The following NME4 variants were observed in gnomAD, a reference collection of about 807,000 sequenced individuals.
NME4 encodes nucleoside diphosphate kinase D, mitochondrial.
Under a neutral mutation model 16.4 loss-of-function variants are expected in NME4, and 21 were observed. That is an observed-to-expected ratio of 1.28 (90% CI 0.91 to 1.84). The LOEUF (loss-of-function observed/expected upper bound fraction) is 1.84. Ranked by LOEUF, NME4 falls within the 40% of genes most tolerant of loss-of-function variation. NME4 has a pLI of 0.00. For synonymous variants in NME4, 132 were observed against 107.5 expected, an observed-to-expected ratio of 1.23 and a Z score of -1.41; for missense variants, 316 against 261.3, an observed-to-expected ratio of 1.21 and a Z score of -1.44.
rs1322419990 is a variant in NME4, at chr16:399,006, C to A, written c.108C>A (p.Thr36=). ...VRHGSGGPSW[T]RERTLVAVKP... is the part of the protein sequence containing the mutation. ...CTTTTGAAGGAGGGCCCTCCTGGAC[C>A]CGGGAGCGGACCCTGGTGGCGGTGA... Residue 36 remains threonine (T), a synonymous_variant, in exon 2 of 5, where the codon ACC becomes ACA. Transcript: ENST00000219479. The A allele has an allele frequency of 6.2e-6, 10 of 1,610,124 alleles. No homozygotes were observed. Among genetic ancestry groups the A allele is most frequent in the Non-Finnish European group, 7.6e-6 (9 of 1,179,884 alleles).
At position 400,528 on chromosome 16, in the gene NME4, C is replaced by T; in HGVS notation, c.*186C>T. 3 of 619,984 alleles carry T rather than the reference C, an allele frequency of 4.8e-6. No individual in the cohort carries two copies. Among genetic ancestry groups the T allele is most frequent in the Non-Finnish European group, 7.9e-6 (3 of 381,188 alleles). 38.4% of individuals were successfully genotyped at this position (619,984 alleles called of 1,614,324 possible). A position where few individuals can be genotyped will look rare whatever the true frequency, so the allele number is the denominator to read the frequency against. ...TGCCTTTCTGTACCCCAAGCCAGCA[C>T]AAGATTGGACCAATCCTTTTTGCAC... On this transcript the variant is annotated 3_prime_UTR_variant, in exon 5 of 5. Coordinates refer to ENST00000219479, the MANE Select transcript of NME4 (RefSeq NM_005009.3).
Position 400,244 on chromosome 16 carries a change from G to T in NME4, c.466G>T (p.Val156Leu), listed in dbSNP as rs139380705. The change falls in exon 5 of 5, where the codon GTG (valine) becomes TTG (leucine). Residue 156 changes from valine (V) to leucine (L), a missense_variant. Physicochemically the swap from Val to Leu is conservative, Grantham distance 32. Transcript: ENST00000219479. ...GAATGTCATCCACGCCAGCGACTCCGTGGAGGGGGCCCAGCGGGAGATCCA... is the reference window on the plus strand; with the variant it reads ...GAATGTCATCCACGCCAGCGACTCCTTGGAGGGGGCCCAGCGGGAGATCCA... ...SRNVIHASDS[V>L]EGAQREIQLW... 90 of 1,604,614 alleles carry T rather than the reference G, an allele frequency of 5.6e-5. No homozygotes were observed. The African/African-American group carries it at 1.0e-3, about 18-fold the overall frequency.
chr16:400,497 C>G lies in NME4; in HGVS notation c.*155C>G, dbSNP rs1766882949. The G allele has an allele frequency of 1.2e-6, 1 of 848,500 alleles. No homozygotes were observed. 52.6% of individuals were successfully genotyped at this position (848,500 alleles called of 1,614,324 possible). A position where few individuals can be genotyped will look rare whatever the true frequency, so the allele number is the denominator to read the frequency against. ...AGCCCAGAGGAGTTTGAGCCACCAACTTCAGTGCCTTTCTGTACCCCAAGC... is the reference window on the plus strand; with the variant it reads ...AGCCCAGAGGAGTTTGAGCCACCAAGTTCAGTGCCTTTCTGTACCCCAAGC... On this transcript the variant is annotated 3_prime_UTR_variant, in exon 5 of 5. Transcript: ENST00000219479.
chr16:397,805 C>A, intron 1 of NME4: 2 of 1,434,788 alleles, frequency 1.4e-6, no homozygotes, highest in Non-Finnish European at 1.8e-6. Flanking sequence ...ACTGGGACGT[C>A]AGGCCCCAAG....
chr16:398,386 G>T lies in NME4; in HGVS notation c.92-604G>T, dbSNP rs2054592953. 1.8e-5 allele frequency: 23 copies of T among 1,246,894 alleles called. No individual in the cohort carries two copies. In the South Asian group the frequency reaches 2.6e-4, roughly 14 times the overall value. 77.2% of individuals were successfully genotyped at this position (1,246,894 alleles called of 1,614,324 possible). ...TGTCCGTGTTTCCAGGGCTCACCTG[G>T]TGGGGAAAGTGTGTTTCTCCCTGGT... On this transcript the variant is annotated intron_variant, in intron 1 of 4. Transcript: ENST00000219479.
At chr16:399,303 G>A (rs1343619514) in intron 2 of NME4, 76 bp from the exon 3 acceptor site, 2 of 1,476,388 alleles carry the variant, frequency 1.4e-6, no homozygotes, top group African/African-American at 1.4e-5. Flanking sequence ...AGGTGCCTGA[G>A]GTCAGGGCAT....
intron 2 of NME4, 32 bp from the exon 3 acceptor site, chr16:399,347 C>T: frequency 3.7e-6 from 6 of 1,601,418 alleles, no homozygotes; most frequent in South Asian, 1.1e-5. Context: ...CGTTTACTGT[C>T]TGCGGCTCCT....
In NME4 at chr16:399,209, G is replaced by A. The variant is rs2054607810; in HGVS notation, c.225+86G>A. 4.5e-6 allele frequency: 7 copies of A among 1,563,252 alleles called. No homozygotes were observed. In the South Asian group the frequency reaches 6.7e-5, roughly 15 times the overall value. On this transcript the variant is annotated intron_variant, in intron 2 of 4. Transcript: ENST00000219479. Reference sequence around the variant, plus strand: ...GCCTTTCACATCCCAGCCAGCGCCGGGGCAGGGCCTGGCTTTGGCAGTTGA... The same window carrying A: ...GCCTTTCACATCCCAGCCAGCGCCGAGGCAGGGCCTGGCTTTGGCAGTTGA...
At chr16:397,926 G>C (rs778355213) in intron 1 of NME4, 1 of 1,549,674 alleles carries the variant, frequency 6.5e-7, no homozygotes, top group Non-Finnish European at 8.7e-7. Flanking sequence ...TGCAATGCCC[G>C]CACCAGCCGC....
intron 1 of NME4, chr16:398,114 T>C (rs2054586617): frequency 1.3e-6 from 2 of 1,534,650 alleles, no homozygotes; most frequent in Admixed American, 2.0e-5. Flanking sequence ...TCTGGGCTCC[T>C]CTGGAAACCA....
rs1286075437 is a variant in NME4, at chr16:400,613, C to CT, written c.*272dup. 1 of 416,734 alleles carries CT rather than the reference C, an allele frequency of 2.4e-6. No individual in the cohort carries two copies. Among genetic ancestry groups the CT allele is most frequent in the African/African-American group, 2.0e-5 (1 of 48,934 alleles). The allele number at this position is 416,734 out of a possible 1,614,324, so 25.8% of individuals were successfully genotyped here. Reference sequence around the variant, plus strand: ...TCTTCACATTATCATAACCTCTCCTCTAAAGGGGAGGCATTAAAATTCACT... The same window carrying CT: ...TCTTCACATTATCATAACCTCTCCTCTTAAAGGGGAGGCATTAAAATTCACT... On this transcript the variant is annotated 3_prime_UTR_variant, in exon 5 of 5. Transcript: ENST00000219479.
intron 1 of NME4, chr16:398,344 A>G: frequency 7.7e-7 from 1 of 1,293,108 alleles, no homozygotes; most frequent in Non-Finnish European, 1.0e-6. Flanking sequence ...TCCCTCTTCA[A>G]TCTTCAGGCC....
chr16:398,036 G>A (rs1396740989), intron 1 of NME4: 3 of 1,533,774 alleles, frequency 2.0e-6, no homozygotes, highest in Non-Finnish European at 2.6e-6. Flanking sequence ...CGCCTGCTGG[G>A]GTTAACTTTT....
chr16:399,937 C>T (rs1345323498), intron 4 of NME4, among the ~76,000 whole-genome samples, 198 bp downstream of exon 4: 4 of 152,136 alleles, frequency 2.6e-5, no homozygotes, highest in Admixed American at 6.5e-5. Context: ...TTGTGTGTAC[C>T]GTGCCATCGT....
At position 400,685 on chromosome 16, in the gene NME4, T is replaced by C; in HGVS notation, c.*343T>C. The stretch of plus-strand genomic sequence containing the variant: ...CACTAATTATGACTTCCCCCAGCTC[T>C]GAGGTAGAAATGACGCCTTTATGCA... On this transcript the variant is annotated 3_prime_UTR_variant, in exon 5 of 5. Coordinates refer to ENST00000219479, the MANE Select transcript of NME4 (RefSeq NM_005009.3). 4.0e-6 allele frequency: 1 copy of C among 249,952 alleles called. No individual in the cohort carries two copies. Among genetic ancestry groups the C allele is most frequent in the East Asian group, 7.4e-5 (1 of 13,604 alleles). 15.5% of individuals were successfully genotyped at this position (249,952 alleles called of 1,614,324 possible).
chr16:398,067 C>T, intron 1 of NME4: 1 of 1,529,448 alleles, frequency 6.5e-7, no homozygotes, highest in Non-Finnish European at 8.8e-7. Context: ...TGGCGGAGCC[C>T]CTTTGGCTCT....
chr16:400,241 T>C lies in NME4; in HGVS notation c.463T>C (p.Ser155Pro). The C allele has an allele frequency of 6.2e-7, 1 of 1,604,600 alleles. No homozygotes were observed. Among genetic ancestry groups the C allele is most frequent in the South Asian group, 1.1e-5 (1 of 90,820 alleles). ...ISRNVIHASDSVEGAQREIQL... is the reference protein window; with the variant it reads ...ISRNVIHASDPVEGAQREIQL... ...CAGGAATGTCATCCACGCCAGCGAC[T>C]CCGTGGAGGGGGCCCAGCGGGAGAT... The change falls in exon 5 of 5, where the codon TCC becomes CCC. Residue 155 changes from serine (S) to proline (P), a missense_variant. Coordinates refer to ENST00000219479, the MANE Select transcript of NME4 (RefSeq NM_005009.3).
chr16:397,853 A>C (rs1254403906), intron 1 of NME4: 2 of 1,545,994 alleles, frequency 1.3e-6, no homozygotes, highest in Admixed American at 1.9e-5. Flanking sequence ...CCCAGCTGCC[A>C]CCTCACAGGA....
chr16:397,940 A>G, intron 1 of NME4: 4 of 1,549,714 alleles, frequency 2.6e-6, no homozygotes, highest in Non-Finnish European at 3.5e-6. Flanking sequence ...CAGCCGCAGC[A>G]GAGCCCCAGG....
Sources: allele counts gnomAD v4.1 joint callset (sites outside exome capture counted in the v4.1 genomes callset), GRCh38; gene constraint gnomAD v4.1.1; transcripts MANE v1.5; gene names NCBI Gene and HGNC (gene_info 2026-07-23, HGNC 2026-07-21).